Variants in GABARAPL2 observed in about 807,000 individuals in gnomAD.
GABARAPL2 encodes the protein GABA type A receptor associated protein like 2.
A neutral mutation model predicts 16.9 loss-of-function variants in GABARAPL2; 11 were observed. The ratio of observed to expected loss-of-function variants is 0.65; its 90% confidence interval spans 0.41 to 1.08. The LOEUF is 1.08. Ranked by LOEUF, GABARAPL2 falls within the 50% of genes least tolerant of loss-of-function variation. GABARAPL2 has a pLI of 0.00. For synonymous variants in GABARAPL2, 57 were observed against 50.7 expected, an observed-to-expected ratio of 1.12 and a Z score of -0.53; for missense variants, 134 against 142.5, an observed-to-expected ratio of 0.94 and a Z score of 0.30.
intron 3 of GABARAPL2, among the ~76,000 whole-genome samples, chr16:75,575,378 C>T (rs939657428): frequency 5.3e-5 from 8 of 152,132 alleles, no homozygotes; most frequent in Non-Finnish European, 8.8e-5. Flanking sequence ...TCACTGCAAC[C>T]TCCACCTCCC....
At chr16:75,568,815 A>C (rs1337219604) in intron 3 of GABARAPL2, among the ~76,000 whole-genome samples, 1 of 152,170 alleles carries the variant, frequency 6.6e-6, no homozygotes, top group Non-Finnish European at 1.5e-5. Flanking sequence ...TTGTGGCCTG[A>C]ATGTAGGCAG....
chr16:75,566,815 C>T (rs757844968), intron 1 of GABARAPL2, 37 bp from the exon 2 acceptor site: 2 of 1,594,902 alleles, frequency 1.3e-6, no homozygotes, highest in South Asian at 1.1e-5. Context: ...GACCGGTGGG[C>T]AGGCGCGGCC....
chr16:75,566,467 G>C lies in GABARAPL2; in HGVS notation c.-20G>C. On this transcript the variant is annotated 5_prime_UTR_variant, in exon 1 of 4. Transcript: ENST00000037243. ...CTCCGCGGCTCCGCGAGCCGGTTCC[G>C]TCCCCTTCCCGCCGCCGCCATGAAG... 6.3e-7 allele frequency: 1 copy of C among 1,595,910 alleles called. No homozygotes were observed. The highest frequency in any genetic ancestry group is 2.3e-5 in the East Asian group (1 of 43,680).
At chr16:75,574,648 TGGC>T (rs775841131) in intron 3 of GABARAPL2, among the ~76,000 whole-genome samples, 7 of 152,186 alleles carry the variant, frequency 4.6e-5, no homozygotes, top group Non-Finnish European at 7.3e-5. Context: ...TTTCACTTCC[TGGC>T]TTGTCACTCT....
At chr16:75,567,149 C>T (rs968870393) in intron 2 of GABARAPL2, among the ~76,000 whole-genome samples, 2 of 152,218 alleles carry the variant, frequency 1.3e-5, no homozygotes, top group South Asian at 2.1e-4. Flanking sequence ...AGCCTCGGGG[C>T]TCCCTGGCCA....
At chr16:75,573,524 G>A (rs546999035) in intron 3 of GABARAPL2, among the ~76,000 whole-genome samples, 1 of 152,342 alleles carries the variant, frequency 6.6e-6, no homozygotes, top group East Asian at 1.9e-4. Flanking sequence ...GAGGTTGTGT[G>A]TCAGAAAAGG....
intron 3 of GABARAPL2, among the ~76,000 whole-genome samples, chr16:75,573,111 A>G (rs1337987356): frequency 6.6e-6 from 1 of 152,226 alleles, no homozygotes; most frequent in African/African-American, 2.4e-5. Context: ...CAGGCCTCCA[A>G]ATTCTGAGGG....
rs776620797 is a variant in GABARAPL2 at position 75,568,229 on chromosome 16, T to G, written c.263+20T>G. On this transcript the variant is annotated intron_variant, in intron 3 of 3. Transcript: ENST00000037243. ...GTCCAGGTGAGAGGTGTTTACTAGATGGGCCCTCTGGTATTAGACATCTGG... is the reference window on the plus strand; with the variant it reads ...GTCCAGGTGAGAGGTGTTTACTAGAGGGGCCCTCTGGTATTAGACATCTGG... 1 of 1,548,244 alleles carries G rather than the reference T, an allele frequency of 6.5e-7. No homozygotes were observed. Among genetic ancestry groups the G allele is most frequent in the Non-Finnish European group, 8.9e-7 (1 of 1,125,824 alleles).
intron 3 of GABARAPL2, chr16:75,576,536 A>G (rs1018904695): frequency 2.0e-5 from 3 of 152,230 alleles, no homozygotes; most frequent in East Asian, 1.9e-4. Flanking sequence ...GTCTTAACAC[A>G]TTTGCACTTC....
Position 75,577,373 on chromosome 16 carries a change from C to T in GABARAPL2, c.*4C>T, listed in dbSNP as rs1374974428. 1.9e-6 allele frequency: 3 copies of T among 1,563,034 alleles called. No homozygotes were observed. Among genetic ancestry groups the T allele is most frequent in the Admixed American group, 1.7e-5 (1 of 59,938 alleles). On this transcript the variant is annotated 3_prime_UTR_variant, in exon 4 of 4. Coordinates refer to ENST00000037243, the MANE Select transcript of GABARAPL2 (RefSeq NM_007285.7). ...AGAGAACACTTTTGGCTTCTGAGGG[C>T]CATTGCTGGGCTAGGTGCACCGTAA...
chr16:75,566,575 C>CCTCCCCCA lies in GABARAPL2; in HGVS notation c.34+59_34+66dup, dbSNP rs1258457846. 4.8e-5 allele frequency: 76 copies of CCTCCCCCA among 1,591,628 alleles called. 1 individual carries two copies. The East Asian group carries it at 7.6e-4, about 16-fold the overall frequency. Reference sequence around the variant, plus strand: ...GGGGGCTGGGGCGGCGGGTGGGCCCCCTCCCCCACTCGGGCGGCCCTGGGC... The same window carrying CCTCCCCCA: ...GGGGGCTGGGGCGGCGGGTGGGCCCCCTCCCCCACTCCCCCACTCGGGCGGCCCTGGGC... On this transcript the variant is annotated intron_variant, in intron 1 of 3. Transcript: ENST00000037243.
intron 3 of GABARAPL2, among the ~76,000 whole-genome samples, chr16:75,571,470 C>A (rs1432871967): frequency 6.6e-6 from 1 of 152,166 alleles, no homozygotes; most frequent in East Asian, 1.9e-4. Flanking sequence ...ATTTGCCTTT[C>A]CATTCTGCTG....
intron 3 of GABARAPL2, chr16:75,576,097 TAA>T (rs1157662158): frequency 6.6e-6 from 1 of 152,190 alleles, no homozygotes; most frequent in Admixed American, 6.5e-5. Context: ...AATTCCAGGC[TAA>T]GAGGTCCTCA....
Position 75,566,500 on chromosome 16 carries a change from T to C in GABARAPL2, c.14T>C (p.Phe5Ser). 1 of 1,608,878 alleles carries C rather than the reference T, an allele frequency of 6.2e-7. No individual in the cohort carries two copies. Among genetic ancestry groups the C allele is most frequent in the Non-Finnish European group, 8.5e-7 (1 of 1,178,198 alleles). Reference sequence around the variant, plus strand: ...CCCGCCGCCGCCATGAAGTGGATGTTCAAGGAGGACCACTCGCTGGGTAAG... The same window carrying C: ...CCCGCCGCCGCCATGAAGTGGATGTCCAAGGAGGACCACTCGCTGGGTAAG... MKWM[F>S]KEDHSLEHRC... is the part of the protein sequence containing the mutation. The change falls in exon 1 of 4, where the codon TTC (phenylalanine) becomes TCC (serine). Residue 5 changes from phenylalanine to serine, a missense_variant. Physicochemically the swap from Phe to Ser is radical, Grantham distance 155. Coordinates refer to ENST00000037243, the MANE Select transcript of GABARAPL2 (RefSeq NM_007285.7).
chr16:75,575,051 T>C (rs995551260), intron 3 of GABARAPL2, among the ~76,000 whole-genome samples: 6 of 151,130 alleles, frequency 4.0e-5, no homozygotes, highest in African/African-American at 1.5e-4. Context: ...AAACAAAACA[T>C]AGTGATGATT....
At chr16:75,571,724 G>A (rs991031103) in intron 3 of GABARAPL2, among the ~76,000 whole-genome samples, 1 of 149,976 alleles carries the variant, frequency 6.7e-6, no homozygotes, top group African/African-American at 2.5e-5. Flanking sequence ...AGGCTAGAGT[G>A]CCCAGGCAGT....
intron 3 of GABARAPL2, among the ~76,000 whole-genome samples, chr16:75,573,960 G>A (rs950183591): frequency 2.0e-5 from 3 of 152,192 alleles, no homozygotes; most frequent in Non-Finnish European, 4.4e-5. Context: ...AGCAGTGCTT[G>A]GCACATGTGT....
chr16:75,568,256 T>C (rs1247121211), intron 3 of GABARAPL2, 47 bp downstream of exon 3: 1 of 1,405,790 alleles, frequency 7.1e-7, no homozygotes, highest in Admixed American at 1.8e-5. Context: ...GACATCTGGT[T>C]GGCTGCTTAC....
rs1454547597 is a variant in GABARAPL2, at chr16:75,568,310, G to C, written c.263+101G>C. On this transcript the variant is annotated intron_variant, in intron 3 of 3. Transcript: ENST00000037243. The stretch of plus-strand genomic sequence containing the variant: ...AAGTCTGAAAACTCTTAGGGGTCCT[G>C]ACTAGAAATCTGGATTTTATGCTCC... 4 of 757,314 alleles carry C rather than the reference G, an allele frequency of 5.3e-6. 1 individual carries two copies. In the South Asian group the frequency reaches 9.0e-5, roughly 17 times the overall value. 46.9% of individuals were successfully genotyped at this position (757,314 alleles called of 1,614,324 possible). A position where few individuals can be genotyped will look rare whatever the true frequency, so the allele number is the denominator to read the frequency against.
Sources: allele counts gnomAD v4.1 joint callset (sites outside exome capture counted in the v4.1 genomes callset), GRCh38; gene constraint gnomAD v4.1.1; transcripts MANE v1.5; gene names NCBI Gene and HGNC (gene_info 2026-07-23, HGNC 2026-07-21).